The following NKAIN2 variants were observed in gnomAD, a reference collection of about 807,000 sequenced individuals.
NKAIN2 encodes the protein sodium/potassium-transporting ATPase subunit beta-1-interacting protein 2.
Under a neutral mutation model 32.6 loss-of-function variants are expected in NKAIN2, and 14 were observed. That is an observed-to-expected ratio of 0.43 (90% CI 0.28 to 0.67). The LOEUF is 0.67. NKAIN2 is among the 30% of genes least tolerant of loss of function. The pLI, the probability that NKAIN2 is intolerant of heterozygous loss-of-function variation, is 0.17. For synonymous variants in NKAIN2, 80 were observed against 87.2 expected, an observed-to-expected ratio of 0.92 and a Z score of 0.46; for missense variants, 198 against 258.3, an observed-to-expected ratio of 0.77 and a Z score of 1.60.
intron 4 of NKAIN2, among the ~76,000 whole-genome samples, chr6:124,717,230 T>TG: frequency 6.6e-6 from 1 of 152,364 alleles, no homozygotes; most frequent in Admixed American, 6.5e-5. Context: ...AATTATTCTA[T>TG]AAATTGTAGC....
chr6:124,514,635 C>G (rs974746648), intron 3 of NKAIN2, among the ~76,000 whole-genome samples: 2 of 152,030 alleles, frequency 1.3e-5, no homozygotes, highest in Non-Finnish European at 2.9e-5. Flanking sequence ...CATTAGCCCC[C>G]AGATTCAGAA....
At position 124,687,961 on chromosome 6, in the gene NKAIN2, T is replaced by C. The variant is rs1029680151; in HGVS notation, c.474+29575T>C. ...TGCCTTTTTATCACTGATTAATTCT[T>C]CTTCATTTTTTGCTTCCAGCAACCA... On this transcript the variant is annotated intron_variant, in intron 4 of 6. Transcript: ENST00000368417. Among the ~76,000 whole-genome samples the C allele has an allele frequency of 2.0e-5, 3 of 151,924 alleles. No individual in the cohort carries two copies. In the East Asian group the frequency reaches 5.8e-4, roughly 29 times the overall value.
At chr6:124,791,484 C>A (rs141448910) in intron 5 of NKAIN2, 85 bp downstream of exon 5, 1 of 828,562 alleles carries the variant, frequency 1.2e-6, no homozygotes, top group Non-Finnish European at 2.0e-6. Flanking sequence ...ATTCCTCAGA[C>A]AAGATCCTAC....
rs1415664399 is a variant in NKAIN2 at position 124,825,147 on chromosome 6, ACTATT to A, written c.*1922_*1926del. Reference sequence around the variant, plus strand: ...AATATAAATACTATACATGCCAGAAACTATTCTAATGTGACTTTTAATGTGACTAT... The same window carrying A: ...AATATAAATACTATACATGCCAGAAACTAATGTGACTTTTAATGTGACTAT... On this transcript the variant is annotated 3_prime_UTR_variant, in exon 7 of 7. Coordinates refer to ENST00000368417, the MANE Select transcript of NKAIN2 (RefSeq NM_001040214.3). 6.6e-6 allele frequency: 1 copy of A among 152,610 alleles called. No individual in the cohort carries two copies. The highest frequency in any genetic ancestry group is 2.4e-5 in the African/African-American group (1 of 41,450). The allele number at this position is 152,610 out of a possible 1,614,324, so 9.5% of individuals were successfully genotyped here. A position where few individuals can be genotyped will look rare whatever the true frequency, so the allele number is the denominator to read the frequency against.
intron 1 of NKAIN2, among the ~76,000 whole-genome samples, chr6:123,910,943 C>T (rs1409946177): frequency 6.6e-6 from 1 of 152,036 alleles, no homozygotes; most frequent in East Asian, 1.9e-4. Context: ...CTTTTTAGCT[C>T]TTTCTCTTAG....
Position 124,009,526 on chromosome 6 carries a change from C to A in NKAIN2, c.54+205272C>A, listed in dbSNP as rs1244653822. Among the ~76,000 whole-genome samples, 6 of 151,872 alleles carry A rather than the reference C, an allele frequency of 4.0e-5. No homozygotes were observed. The East Asian group carries it at 1.2e-3, about 29-fold the overall frequency. On this transcript the variant is annotated intron_variant, in intron 1 of 6. Coordinates refer to ENST00000368417, the MANE Select transcript of NKAIN2 (RefSeq NM_001040214.3). ...GCAGCTCCTTGCACTGCATACCCTACAATGTCTTGTCCCCCTCCCTCAGCA... is the reference window on the plus strand; with the variant it reads ...GCAGCTCCTTGCACTGCATACCCTAAAATGTCTTGTCCCCCTCCCTCAGCA...
chr6:124,223,230 A>C (rs1455049813), intron 1 of NKAIN2, among the ~76,000 whole-genome samples: 1 of 148,248 alleles, frequency 6.7e-6, no homozygotes, highest in African/African-American at 2.5e-5. Flanking sequence ...AAAAAAAAAA[A>C]AAAAAAAAGT....
At chr6:124,208,471 G>A (rs1791004358) in intron 1 of NKAIN2, among the ~76,000 whole-genome samples, 2 of 151,678 alleles carry the variant, frequency 1.3e-5, no homozygotes, top group African/African-American at 4.8e-5. Context: ...TTTCTAACTA[G>A]TGTGCTAGAA....
At chr6:124,754,200 G>T (rs1777856292) in intron 4 of NKAIN2, among the ~76,000 whole-genome samples, 1 of 152,056 alleles carries the variant, frequency 6.6e-6, no homozygotes, top group Non-Finnish European at 1.5e-5. Flanking sequence ...CATTTGCAAT[G>T]ACTTCAGCTG....
At position 124,208,232 on chromosome 6, in the gene NKAIN2, A is replaced by T. The variant is rs150862016; in HGVS notation, c.55-74773A>T. Among the ~76,000 whole-genome samples the T allele has an allele frequency of 4.4e-3, 662 of 152,066 alleles. 7 individuals carry two copies. The highest frequency in any genetic ancestry group is 0.015 in the African/African-American group (639 of 41,528). ...TTTCTTGATATATAAAATTTGAATA[A>T]TGATAATAATACTTCAAAGAGTAGT... On this transcript the variant is annotated intron_variant, in intron 1 of 6. Transcript: ENST00000368417.
Position 124,192,747 on chromosome 6 carries a change from T to G in NKAIN2, c.55-90258T>G, listed in dbSNP as rs904036526. On this transcript the variant is annotated intron_variant, in intron 1 of 6. Transcript: ENST00000368417. ...TCTCTCCTTAGTTCCATCCGTTTTT[T>G]TTTTTTTTTTTTTTTTTTTTGAGAC... Among the ~76,000 whole-genome samples, 13 of 132,734 alleles carry G rather than the reference T, an allele frequency of 9.8e-5. No homozygotes were observed. The South Asian group carries it at 1.1e-3, about 11-fold the overall frequency. The allele number at this position is 132,734 out of a possible 152,430, so 87.1% of individuals were successfully genotyped here. A position where few individuals can be genotyped will look rare whatever the true frequency, so the allele number is the denominator to read the frequency against.
intron 3 of NKAIN2, among the ~76,000 whole-genome samples, chr6:124,441,921 GT>G (rs1775705582): frequency 6.6e-6 from 1 of 151,908 alleles, no homozygotes; most frequent in South Asian, 2.1e-4. Context: ...AGGTTGAATA[GT>G]TGATGAGGGC....
intron 1 of NKAIN2, among the ~76,000 whole-genome samples, chr6:123,910,200 G>A (rs572905498): frequency 6.6e-6 from 1 of 152,186 alleles, no homozygotes; most frequent in Non-Finnish European, 1.5e-5. Flanking sequence ...CTCTAAATAT[G>A]TCTCCGGCTT....
At chr6:124,731,287 A>G (rs1467249814) in intron 4 of NKAIN2, among the ~76,000 whole-genome samples, 1 of 150,246 alleles carries the variant, frequency 6.7e-6, no homozygotes, top group Non-Finnish European at 1.5e-5. Flanking sequence ...CATTATTCAC[A>G]ATAGCAAAGA....
chr6:123,938,521 T>A (rs9491008), intron 1 of NKAIN2, among the ~76,000 whole-genome samples: 8 of 133,738 alleles, frequency 6.0e-5, no homozygotes, highest in African/African-American at 1.9e-4. Context: ...TTATATATAT[T>A]TATATATTAT....
intron 1 of NKAIN2, among the ~76,000 whole-genome samples, chr6:124,157,561 G>A (rs1371903750): frequency 6.6e-6 from 1 of 152,136 alleles, no homozygotes; most frequent in Non-Finnish European, 1.5e-5. Context: ...CGACATCTCT[G>A]TGAAGGGCCA....
chr6:123,833,691 CTGTGTG>C lies in NKAIN2; in HGVS notation c.54+29467_54+29472del, dbSNP rs59906355. ...CTTAAGCAAAAGGTAATTTTTTTTC[CTGTGTG>C]TGTGTGTGTGTGTGTGTGTGTGTGT... On this transcript the variant is annotated intron_variant, in intron 1 of 6. Coordinates refer to ENST00000368417, the MANE Select transcript of NKAIN2 (RefSeq NM_001040214.3). 2.1e-3 allele frequency among the ~76,000 whole-genome samples: 273 copies of C among 129,566 alleles called. 2 individuals are homozygous for C. The highest frequency in any genetic ancestry group is 6.0e-3 in the Admixed American group (75 of 12,448). The allele number at this position is 129,566 out of a possible 152,430, so 85.0% of individuals were successfully genotyped here. A position where few individuals can be genotyped will look rare whatever the true frequency, so the allele number is the denominator to read the frequency against.
intron 1 of NKAIN2, among the ~76,000 whole-genome samples, chr6:123,998,677 T>A (rs981846050): frequency 6.6e-6 from 1 of 151,830 alleles, no homozygotes; most frequent in Admixed American, 6.6e-5. Context: ...AGTCAAGATA[T>A]GGAAACACCC....
intron 1 of NKAIN2, among the ~76,000 whole-genome samples, chr6:123,872,157 A>T (rs1772922678): frequency 6.6e-6 from 1 of 151,854 alleles, no homozygotes; most frequent in Non-Finnish European, 1.5e-5. Context: ...TCTTAGGTTG[A>T]ATTATTTGGA....
Sources: gnomAD v4.1 joint callset for allele counts (sites outside exome capture counted in the v4.1 genomes callset) on GRCh38, gnomAD v4.1.1 for gene constraint, MANE v1.5 for transcripts, NCBI Gene and HGNC (gene_info 2026-07-23, HGNC 2026-07-21) for gene names.